FMN1: variants seen among roughly 807,000 people sequenced by gnomAD.
The protein encoded by FMN1 is formin-1.
A neutral mutation model predicts 132.4 loss-of-function variants in FMN1; 110 were observed. That is an observed-to-expected ratio of 0.83 (90% CI 0.71 to 0.97). The LOEUF (loss-of-function observed/expected upper bound fraction) is 0.97. Ranked by LOEUF, FMN1 falls within the 50% of genes least tolerant of loss-of-function variation. The pLI is 0.00. For synonymous variants in FMN1, 722 were observed against 651.7 expected (o/e 1.11, Z -1.64); for missense variants, 1,792 against 1,705.3 (o/e 1.05, Z -0.90).
At chr15:33,174,392 C>T (rs931776031) in intron 3 of FMN1, among the ~76,000 whole-genome samples, 6 of 152,132 alleles carry the variant, frequency 3.9e-5, no homozygotes, top group Non-Finnish European at 8.8e-5. Flanking sequence ...ATTGATTTTA[C>T]TTCTGTGTGA....
intron 13 of FMN1, chr15:32,900,358 A>C: frequency 1.5e-6 from 1 of 663,666 alleles, no homozygotes; most frequent in Non-Finnish European, 2.8e-6. Context: ...GCATGTTTTA[A>C]TACATGAGGA....
chr15:33,141,466 T>A (rs1252004994), intron 4 of FMN1, among the ~76,000 whole-genome samples: 2 of 152,078 alleles, frequency 1.3e-5, no homozygotes, highest in Non-Finnish European at 2.9e-5. Flanking sequence ...ACGGGTAGGA[T>A]CCCCTGGAAA....
chr15:32,917,365 C>G (rs2060709407), intron 10 of FMN1, among the ~76,000 whole-genome samples: 1 of 152,222 alleles, frequency 6.6e-6, no homozygotes, highest in Non-Finnish European at 1.5e-5. Context: ...CAGATATGCA[C>G]AAATCCTCAC....
chr15:33,085,851 T>A (rs1013511098), intron 5 of FMN1, among the ~76,000 whole-genome samples: 1 of 152,168 alleles, frequency 6.6e-6, no homozygotes, highest in African/African-American at 2.4e-5. Context: ...AGAGAAATAA[T>A]TAAATAAATT....
At chr15:33,008,939 C>A (rs1030814748) in intron 6 of FMN1, among the ~76,000 whole-genome samples, 1 of 152,120 alleles carries the variant, frequency 6.6e-6, no homozygotes, top group African/African-American at 2.4e-5. Context: ...GCAGTTTGAC[C>A]TCATTGAAAT....
chr15:32,867,713 A>C (rs541345766), intron 16 of FMN1, among the ~76,000 whole-genome samples: 5 of 152,062 alleles, frequency 3.3e-5, no homozygotes, highest in Admixed American at 1.3e-4. Context: ...GGATGGTCTC[A>C]ATCTCCTGAC....
intron 6 of FMN1, among the ~76,000 whole-genome samples, chr15:33,031,752 T>C (rs1596511818): frequency 6.6e-6 from 1 of 152,144 alleles, no homozygotes; most frequent in South Asian, 2.1e-4. Flanking sequence ...GCTCATGAAA[T>C]TCACATATTC....
chr15:33,048,631 C>CAAAAAAAAAAAAAAAAAAAAAAA (rs768997793), intron 6 of FMN1, among the ~76,000 whole-genome samples: 6 of 43,434 alleles, frequency 1.4e-4, no homozygotes, highest in Non-Finnish European at 2.0e-4. Flanking sequence ...GGCAATTTAC[C>CAAAAAAAAAAAAAAAAAAAAAAA]AAAAAAAAAA....
At chr15:32,805,959 T>A (rs1167819407) in intron 17 of FMN1, among the ~76,000 whole-genome samples, 1 of 152,096 alleles carries the variant, frequency 6.6e-6, no homozygotes, top group Admixed American at 6.5e-5. Flanking sequence ...TATAGGATTA[T>A]CAAGAGGTTT....
At chr15:32,975,024 A>G (rs1426302087) in intron 7 of FMN1, among the ~76,000 whole-genome samples, 1 of 152,164 alleles carries the variant, frequency 6.6e-6, no homozygotes, top group Non-Finnish European at 1.5e-5. Flanking sequence ...CTATACCACT[A>G]CAGATAACCA....
At chr15:33,049,992 T>C (rs1450344277) in intron 6 of FMN1, among the ~76,000 whole-genome samples, 1 of 152,200 alleles carries the variant, frequency 6.6e-6, no homozygotes, top group Non-Finnish European at 1.5e-5. Flanking sequence ...ACACAACCAA[T>C]ATAACCATTC....
At chr15:32,888,126 A>G (rs758230599) in intron 16 of FMN1, 46 bp downstream of exon 16, 13 of 1,521,428 alleles carry the variant, frequency 8.5e-6, no homozygotes, top group South Asian at 3.8e-5. Flanking sequence ...ACATTTTTTA[A>G]AAGTAATCTT....
At chr15:33,132,820 T>C (rs576390186) in intron 4 of FMN1, among the ~76,000 whole-genome samples, 1 of 152,282 alleles carries the variant, frequency 6.6e-6, no homozygotes, top group Non-Finnish European at 1.5e-5. Flanking sequence ...CATGCCTGCC[T>C]GGACCTGTAC....
chr15:32,866,243 A>G (rs2059391142), intron 16 of FMN1, among the ~76,000 whole-genome samples: 1 of 151,718 alleles, frequency 6.6e-6, no homozygotes, highest in Admixed American at 6.6e-5. Context: ...AAAAGAAAAA[A>G]GAAAAAAAAT....
At chr15:33,018,789 G>A in intron 6 of FMN1, among the ~76,000 whole-genome samples, 1 of 152,168 alleles carries the variant, frequency 6.6e-6, no homozygotes, top group East Asian at 1.9e-4. Flanking sequence ...CCCTTCTGGT[G>A]GGCTGGTGGT....
chr15:32,821,123 T>C (rs925006893), intron 17 of FMN1, among the ~76,000 whole-genome samples: 1 of 150,766 alleles, frequency 6.6e-6, no homozygotes, highest in African/African-American at 2.4e-5. Context: ...TACAATTTTC[T>C]AAGAGATAAT....
intron 9 of FMN1, among the ~76,000 whole-genome samples, chr15:32,934,331 AAT>A (rs1337507048): frequency 3.3e-5 from 5 of 152,110 alleles, no homozygotes; most frequent in Non-Finnish European, 7.4e-5. Flanking sequence ...ATTTGTTTTT[AAT>A]ATCTGGCAGA....
intron 6 of FMN1, among the ~76,000 whole-genome samples, chr15:33,046,770 G>C (rs1168059395): frequency 6.6e-6 from 1 of 152,114 alleles, no homozygotes; most frequent in African/African-American, 2.4e-5. Context: ...GTGCAAACTG[G>C]TTGAATGAAT....
chr15:33,117,457 T>C (rs2039972380), intron 4 of FMN1, among the ~76,000 whole-genome samples: 1 of 152,220 alleles, frequency 6.6e-6, no homozygotes, highest in African/African-American at 2.4e-5. Context: ...CGTTTTCTTA[T>C]TTAACTGGCA....
Sources: allele counts gnomAD v4.1 joint callset (sites outside exome capture counted in the v4.1 genomes callset), GRCh38; gene constraint gnomAD v4.1.1; transcripts MANE v1.5; gene names NCBI Gene and HGNC (gene_info 2026-07-23, HGNC 2026-07-21).